The following KDM4C variants were observed in gnomAD, a reference collection of about 807,000 sequenced individuals.
The protein encoded by KDM4C is lysine-specific demethylase 4C.
KDM4C carries 81 observed loss-of-function variants against 129.3 expected under a neutral mutation model. The ratio of observed to expected loss-of-function variants is 0.63; its 90% CI spans 0.52 to 0.75. The LOEUF (loss-of-function observed/expected upper bound fraction) is 0.75, where lower values mean the gene tolerates loss of function less well. Among genes scored for constraint, KDM4C ranks in the 30% least tolerant of loss-of-function variants. KDM4C has a pLI of 0.00. For synonymous variants in KDM4C, 573 were observed against 456.1 expected (o/e 1.26, Z -3.26); for missense variants, 1,457 against 1,304.0 (o/e 1.12, Z -1.81).
Position 7,174,556 on chromosome 9 carries a change from A to G in KDM4C, c.2998A>G (p.Thr1000Ala). Residue 1000 changes from threonine (T) to alanine (A), a missense_variant, in exon 22 of 22, where the codon ACA (threonine) becomes GCA (alanine). By Grantham distance (58) the Thr-to-Ala change is moderately conservative (BLOSUM62 0). Transcript: ENST00000381309. ...ATATAACACCAGCTGCTTTTAGTCC[A>G]CAGCCTCTGACATGCGATTTGAAGA... is the stretch of plus-strand genomic sequence containing the variant. ...LPKRVKARFSTASDMRFEDTF... is the reference protein window; with the variant it reads ...LPKRVKARFSAASDMRFEDTF... 6.2e-7 allele frequency: 1 copy of G among 1,614,102 alleles called. No individual in the cohort carries two copies. Among genetic ancestry groups the G allele is most frequent in the Non-Finnish European group, 8.5e-7 (1 of 1,179,938 alleles).
chr9:6,996,680 C>G (rs952819247), intron 12 of KDM4C, among the ~76,000 whole-genome samples: 1 of 152,186 alleles, frequency 6.6e-6, no homozygotes, highest in Non-Finnish European at 1.5e-5. Context: ...TCAGCGATTC[C>G]CACCATGTGC....
intron 1 of KDM4C, among the ~76,000 whole-genome samples, chr9:6,745,262 T>C (rs922400474): frequency 6.6e-5 from 10 of 152,094 alleles, no homozygotes; most frequent in African/African-American, 2.4e-4. Context: ...TTGAAAATTG[T>C]CTTCATGGGT....
At chr9:6,990,582 T>A (rs1818561774) in intron 12 of KDM4C, 58 bp downstream of exon 12, 2 of 1,170,938 alleles carry the variant, frequency 1.7e-6, no homozygotes, top group Non-Finnish European at 1.2e-6. Flanking sequence ...TAAAACAAAC[T>A]ATTGTAAAAA....
At chr9:6,756,616 C>T (rs1818301531), upstream of KDM4C, among the ~76,000 whole-genome samples, 1 of 152,218 alleles carries the variant, frequency 6.6e-6, no homozygotes, top group African/African-American at 2.4e-5. Flanking sequence ...ACTCGGGAGG[C>T]TGAGGCAGGA....
At chr9:6,828,171 G>A (rs10117867) in intron 4 of KDM4C, among the ~76,000 whole-genome samples, 61,431 of 151,312 alleles carry the variant, frequency 0.41, 12,706 homozygotes, top group East Asian at 0.6. Context: ...TTTTTGAGAC[G>A]GAGCCTCGCA....
intron 5 of KDM4C, among the ~76,000 whole-genome samples, chr9:6,859,879 A>C (rs1231047692): frequency 2.0e-5 from 3 of 152,108 alleles, no homozygotes; most frequent in Admixed American, 2.0e-4. Context: ...AAAAAAAAAA[A>C]AAGACTCAGA....
intron 9 of KDM4C, chr9:6,982,781 G>T (rs1816990531): frequency 6.6e-6 from 1 of 152,150 alleles, no homozygotes; most frequent in African/African-American, 2.4e-5. Flanking sequence ...AACCACAGTG[G>T]GCCTTTTGGG....
intron 5 of KDM4C, among the ~76,000 whole-genome samples, chr9:6,853,408 C>T (rs1313822371): frequency 2.0e-5 from 3 of 152,120 alleles, no homozygotes; most frequent in Non-Finnish European, 4.4e-5. Context: ...GAGAGGATGA[C>T]CTGAGCCCGG....
chr9:6,795,829 G>T (rs1827641394), intron 2 of KDM4C, among the ~76,000 whole-genome samples: 1 of 151,776 alleles, frequency 6.6e-6, no homozygotes, highest in South Asian at 2.1e-4. Flanking sequence ...GCAGCACCAT[G>T]CCTGGCTAAG....
intron 8 of KDM4C, among the ~76,000 whole-genome samples, chr9:6,977,538 T>C (rs1833137038): frequency 6.6e-6 from 1 of 152,132 alleles, no homozygotes; most frequent in African/African-American, 2.4e-5. Flanking sequence ...TTAAATACAG[T>C]GGAGAATGAA....
intron 5 of KDM4C, among the ~76,000 whole-genome samples, chr9:6,859,076 G>T (rs1015276161): frequency 6.6e-6 from 1 of 152,082 alleles, no homozygotes; most frequent in African/African-American, 2.4e-5. Flanking sequence ...TTGCTTTTTA[G>T]TTAGTAGGGT....
chr9:7,042,239 G>A (rs923590038), intron 15 of KDM4C, among the ~76,000 whole-genome samples: 3 of 151,990 alleles, frequency 2.0e-5, no homozygotes, highest in Non-Finnish European at 4.4e-5. Context: ...GTAATAAATG[G>A]CAGAACTTTT....
intron 18 of KDM4C, among the ~76,000 whole-genome samples, chr9:7,109,378 C>A (rs889865659): frequency 6.6e-6 from 1 of 152,150 alleles, no homozygotes; most frequent in Non-Finnish European, 1.5e-5. Flanking sequence ...CAGATGGGGA[C>A]CTGAACAATA....
exon 1 of KDM4C, chr9:6,720,985 G>C: frequency 6.4e-7 from 1 of 1,551,630 alleles, no homozygotes; most frequent in South Asian, 1.2e-5. Context: ...GAGGACTGAA[G>C]AAGCAGCTGC....
chr9:6,832,005 T>C (rs1304010003), intron 4 of KDM4C, among the ~76,000 whole-genome samples: 1 of 152,190 alleles, frequency 6.6e-6, no homozygotes, highest in Non-Finnish European at 1.5e-5. Context: ...CATGATGACT[T>C]TGAGATGCTG....
At chr9:7,083,019 G>A (rs78350788) in intron 17 of KDM4C, among the ~76,000 whole-genome samples, 1 of 152,088 alleles carries the variant, frequency 6.6e-6, no homozygotes, top group Non-Finnish European at 1.5e-5. Context: ...TGAAGTGCTT[G>A]CATTTTTTAA....
intron 7 of KDM4C, among the ~76,000 whole-genome samples, chr9:6,891,778 G>C (rs569263312): frequency 6.6e-6 from 1 of 151,996 alleles, no homozygotes; most frequent in African/African-American, 2.4e-5. Context: ...TACTGTTTCA[G>C]TCTCTTCTCC....
At chr9:7,036,109 A>C (rs771261054) in intron 15 of KDM4C, among the ~76,000 whole-genome samples, 2 of 152,108 alleles carry the variant, frequency 1.3e-5, no homozygotes, top group African/African-American at 4.8e-5. Context: ...AATTCTTCCA[A>C]TCTATGAGCT....
At chr9:6,958,097 T>G (rs1829390744) in intron 8 of KDM4C, among the ~76,000 whole-genome samples, 2 of 151,680 alleles carry the variant, frequency 1.3e-5, no homozygotes, top group Middle Eastern at 3.2e-3. Flanking sequence ...TTTTTTTTTT[T>G]TAATAATTGC....
Sources: allele counts gnomAD v4.1 joint callset (sites outside exome capture counted in the v4.1 genomes callset), GRCh38; gene constraint gnomAD v4.1.1; transcripts MANE v1.5; gene names NCBI Gene and HGNC (gene_info 2026-07-23, HGNC 2026-07-21).